Variants in JAML observed in about 807,000 individuals in gnomAD.
The protein encoded by JAML is junctional adhesion molecule-like.
A neutral mutation model predicts 39.3 loss-of-function variants in JAML; 25 were observed. The ratio of observed to expected loss-of-function variants is 0.64; its 90% CI spans 0.46 to 0.89. The LOEUF is 0.89. Ranked by LOEUF, JAML falls within the 40% of genes least tolerant of loss-of-function variation. JAML has a pLI of 0.00. For missense variants in JAML, 440 were observed against 486.9 expected (o/e 0.90, Z 0.91); for synonymous variants, 162 against 179.2 (o/e 0.90, Z 0.77).
At chr11:118,217,126 G>A (rs7939622) in intron 1 of JAML, among the ~76,000 whole-genome samples, 31,503 of 152,164 alleles carry the variant, frequency 0.21, 3,358 homozygotes, top group Middle Eastern at 0.27. Context: ...CAAGTCTGCA[G>A]ACTCTAAAAG....
At position 118,203,414 on chromosome 11, in the gene JAML, C is replaced by T; in HGVS notation, c.772+14G>A. The stretch of plus-strand genomic sequence containing the variant: ...AGGAGGTCCCTCAATGCTCCCCAGC[C>T]AAATGTTAGATACTTCGAGGCTCTT... On this transcript the variant is annotated intron_variant, in intron 6 of 9. Coordinates refer to ENST00000356289, the MANE Select transcript of JAML (RefSeq NM_001098526.2). 6.2e-7 allele frequency: 1 copy of T among 1,611,292 alleles called. No homozygotes were observed. The highest frequency in any genetic ancestry group is 8.5e-7 in the Non-Finnish European group (1 of 1,177,686).
At chr11:118,202,795 G>A (rs1205553084) in intron 6 of JAML, 4 of 377,166 alleles carry the variant, frequency 1.1e-5, no homozygotes, top group Non-Finnish European at 2.1e-5. Flanking sequence ...CCTAGCGACA[G>A]GCAAAGTCCA....
intron 8 of JAML, chr11:118,197,261 C>G (rs568402862): frequency 3.2e-5 from 5 of 157,290 alleles, no homozygotes; most frequent in African/African-American, 1.2e-4. Flanking sequence ...TCCTGTCACT[C>G]GTTGGTAAAG....
At chr11:118,199,655 G>T (rs1948733386) in intron 7 of JAML, among the ~76,000 whole-genome samples, 1 of 151,334 alleles carries the variant, frequency 6.6e-6, no homozygotes, top group South Asian at 2.1e-4. Flanking sequence ...AACTACCGAT[G>T]AAATTCAGGC....
chr11:118,210,908 A>G (rs1949044985), intron 3 of JAML, among the ~76,000 whole-genome samples, 196 bp from the exon 4 acceptor site: 1 of 152,220 alleles, frequency 6.6e-6, no homozygotes, highest in African/African-American at 2.4e-5. Flanking sequence ...CCCTTTCTAC[A>G]AAGACAAATG....
chr11:118,205,857 C>T, intron 5 of JAML, 25 bp downstream of exon 5: 2 of 1,594,532 alleles, frequency 1.3e-6, no homozygotes, highest in Non-Finnish European at 1.7e-6. Flanking sequence ...CCTTCTCTAA[C>T]ACAGTGATGT....
In JAML at chr11:118,215,277, A is replaced by C. The variant is rs1289189225; in HGVS notation, c.-20-391T>G. ...AGATGACAACCCTAGATTTTCCACT[A>C]CCTGTATGTTTCACACAAACAAAAA... On this transcript the variant is annotated intron_variant, in intron 1 of 9. Transcript: ENST00000356289. 2.0e-5 allele frequency among the ~76,000 whole-genome samples: 3 copies of C among 152,118 alleles called. No individual in the cohort carries two copies. In the East Asian group the frequency reaches 5.8e-4, roughly 29 times the overall value.
intron 6 of JAML, chr11:118,203,049 A>C (rs1355621219): frequency 4.3e-6 from 2 of 466,248 alleles, no homozygotes; most frequent in East Asian, 6.7e-5. Flanking sequence ...CTCCACTCTA[A>C]CACATACAGC....
chr11:118,219,421 G>A (rs991497343), intron 1 of JAML, among the ~76,000 whole-genome samples: 8 of 152,166 alleles, frequency 5.3e-5, no homozygotes, highest in African/African-American at 1.9e-4. Context: ...GGAGGACCCA[G>A]GTGAGGAAGA....
In JAML at chr11:118,194,300, G is replaced by A; in HGVS notation, c.*25C>T. On this transcript the variant is annotated 3_prime_UTR_variant, in exon 10 of 10. Transcript: ENST00000356289. ...ACAGGAGAGAGTCTCCACCGCTGCT[G>A]AGATGAAGGGACTCTCCATTCTTCT... 1 of 1,595,180 alleles carries A rather than the reference G, an allele frequency of 6.3e-7. No homozygotes were observed. The highest frequency in any genetic ancestry group is 8.6e-7 in the Non-Finnish European group (1 of 1,162,924).
In JAML at chr11:118,194,063, C is replaced by G; in HGVS notation, c.*262G>C. On this transcript the variant is annotated 3_prime_UTR_variant, in exon 10 of 10. Transcript: ENST00000356289. Reference sequence around the variant, plus strand: ...TGATCCAACGGGGGGTTTGAGGCCACTCAGCTCAGCCTGGTTCCCAGGGCC... The same window carrying G: ...TGATCCAACGGGGGGTTTGAGGCCAGTCAGCTCAGCCTGGTTCCCAGGGCC... The G allele has an allele frequency of 4.7e-6, 2 of 429,540 alleles. No individual in the cohort carries two copies. The highest frequency in any genetic ancestry group is 8.7e-6 in the Non-Finnish European group (2 of 230,528). The allele number at this position is 429,540 out of a possible 1,614,324, so 26.6% of individuals were successfully genotyped here.
intron 6 of JAML, chr11:118,202,443 T>C (rs1948823091): frequency 6.4e-6 from 1 of 156,328 alleles, no homozygotes; most frequent in Non-Finnish European, 1.4e-5. Flanking sequence ...CAAAGAGCCA[T>C]GTTGTAAGGT....
chr11:118,199,200 A>G (rs1156713621), intron 7 of JAML, among the ~76,000 whole-genome samples: 2 of 152,168 alleles, frequency 1.3e-5, no homozygotes, highest in African/African-American at 4.8e-5. Context: ...CAGCATATCC[A>G]TTTAATTATT....
rs145028191 is a variant in JAML, at chr11:118,210,623, G to A, written c.288C>T (p.Cys96=). ...CTTGGAGCAGGAGAGAGCCATCATT[G>A]CATAAGATGTCCCCCATCAAGTGTA... ...NRVHLMGDIL[C]NDGSLLLQDV... The change falls in exon 4 of 10, where the codon TGC becomes TGT. Residue 96 remains cysteine (C), a synonymous_variant. Coordinates refer to ENST00000356289, the MANE Select transcript of JAML (RefSeq NM_001098526.2). The A allele has an allele frequency of 5.6e-6, 9 of 1,614,070 alleles. No homozygotes were observed. The African/African-American group carries it at 1.2e-4, about 22-fold the overall frequency.
intron 4 of JAML, among the ~76,000 whole-genome samples, chr11:118,206,473 A>C (rs1591469955): frequency 6.6e-6 from 1 of 152,212 alleles, no homozygotes; most frequent in Non-Finnish European, 1.5e-5. Context: ...GTGGAAAGTT[A>C]TAGAACTCTC....
chr11:118,209,594 C>G (rs1948998867), intron 4 of JAML, among the ~76,000 whole-genome samples: 1 of 152,202 alleles, frequency 6.6e-6, no homozygotes, highest in African/African-American at 2.4e-5. Flanking sequence ...GATCACAGCT[C>G]ACTGCAACCT....
chr11:118,217,032 C>A (rs780557428), intron 1 of JAML, among the ~76,000 whole-genome samples: 4 of 152,210 alleles, frequency 2.6e-5, no homozygotes, highest in Admixed American at 6.5e-5. Flanking sequence ...GCCCAGAAAA[C>A]AGCACTTAGC....
At chr11:118,212,992 T>G in intron 2 of JAML, 1 of 1,613,322 alleles carries the variant, frequency 6.2e-7, no homozygotes, top group Non-Finnish European at 8.5e-7. Context: ...TTTTGTTTAC[T>G]TCCTCTTTTC....
intron 2 of JAML, chr11:118,213,277 T>C: frequency 8.9e-7 from 1 of 1,118,630 alleles, no homozygotes; most frequent in Non-Finnish European, 1.1e-6. Context: ...TTTCACAAGA[T>C]ATGCTCTATG....
Sources: allele counts gnomAD v4.1 joint callset (sites outside exome capture counted in the v4.1 genomes callset), GRCh38; gene constraint gnomAD v4.1.1; transcripts MANE v1.5; gene names NCBI Gene and HGNC (gene_info 2026-07-23, HGNC 2026-07-21).